SLCO1B1: variants seen among roughly 807,000 people sequenced by gnomAD.
SLCO1B1 encodes solute carrier organic anion transporter family member 1B1.
A neutral mutation model predicts 70.1 loss-of-function variants in SLCO1B1; 81 were observed. The ratio of observed to expected loss-of-function variants is 1.16; its 90% confidence interval spans 0.97 to 1.39. The LOEUF is 1.39. SLCO1B1 is among the 40% of genes most tolerant of loss of function. The probability of loss-of-function intolerance (pLI) is 0.00; values close to 1 mark genes in which losing one functional copy is unlikely to be tolerated. For synonymous variants in SLCO1B1, 283 were observed against 271.5 expected, an observed-to-expected ratio of 1.04 and a Z score of -0.42; for missense variants, 895 against 799.6, an observed-to-expected ratio of 1.12 and a Z score of -1.44.
chr12:21,144,255 C>T (rs1940352262), intron 2 of SLCO1B1, among the ~76,000 whole-genome samples: 1 of 151,978 alleles, frequency 6.6e-6, no homozygotes, highest in African/African-American at 2.4e-5. Flanking sequence ...AAATATTTTA[C>T]TACAGGAATT....
At chr12:21,168,433 G>C (rs1239705908) in intron 2 of SLCO1B1, among the ~76,000 whole-genome samples, 1 of 152,098 alleles carries the variant, frequency 6.6e-6, no homozygotes, top group Non-Finnish European at 1.5e-5. Context: ...ATAATTAATG[G>C]CTTGTATGGT....
chr12:21,164,418 C>G (rs4149031), intron 2 of SLCO1B1, among the ~76,000 whole-genome samples: 18,529 of 151,994 alleles, frequency 0.12, 1,458 homozygotes, highest in East Asian at 0.34. Flanking sequence ...CCTGTTGGTT[C>G]TCCTCTTAAA....
rs778238661 is a variant in SLCO1B1 at position 21,217,299 on chromosome 12, G to GTC, written c.1679_1680insCT (p.Lys561LeufsTer8). 6.2e-7 allele frequency: 1 copy of GTC among 1,612,780 alleles called. No homozygotes were observed. The highest frequency in any genetic ancestry group is 1.7e-5 in the Admixed American group (1 of 60,002). On this transcript the variant is annotated frameshift_variant, in exon 12 of 15. Transcript: ENST00000256958. LOFTEE classifies it high-confidence loss of function. ...AGGCACCTCACATGTCATGCTGATT[G>GTC]TTAAGTAAGTATGACTTTTAAAAAC...
intron 14 of SLCO1B1, among the ~76,000 whole-genome samples, chr12:21,235,025 A>C (rs1475714100): frequency 1.3e-5 from 2 of 151,874 alleles, no homozygotes; most frequent in African/African-American, 2.4e-5. Flanking sequence ...TTTTTGGGTG[A>C]AGTATTCTCT....
chr12:21,237,220 G>A (rs1941605034), intron 14 of SLCO1B1, among the ~76,000 whole-genome samples: 1 of 151,922 alleles, frequency 6.6e-6, no homozygotes, highest in South Asian at 2.1e-4. Context: ...TGTATATCAA[G>A]TTTCTGACCT....
chr12:21,207,002 C>A (rs1280814506), intron 11 of SLCO1B1, among the ~76,000 whole-genome samples: 2 of 151,924 alleles, frequency 1.3e-5, no homozygotes, highest in Admixed American at 6.6e-5. Flanking sequence ...AAGGCCACAA[C>A]TTTAATAAAC....
At position 21,230,516 on chromosome 12, in the gene SLCO1B1, G is replaced by A. The variant is rs184233017; in HGVS notation, c.1865+5677G>A. On this transcript the variant is annotated intron_variant, in intron 14 of 14. Transcript: ENST00000256958. ...CGGCTAATTTTGTACTTTTAGTAGA[G>A]ACAAGGTTTCTCCACGTTGGTCAGG... Among the ~76,000 whole-genome samples the A allele has an allele frequency of 2.4e-3, 366 of 151,940 alleles. 3 individuals are homozygous for A. Among genetic ancestry groups the A allele is most frequent in the African/African-American group, 8.5e-3 (354 of 41,414 alleles).
At chr12:21,229,430 G>A (rs1262936915) in intron 14 of SLCO1B1, among the ~76,000 whole-genome samples, 1 of 152,134 alleles carries the variant, frequency 6.6e-6, no homozygotes, top group Admixed American at 6.5e-5. Context: ...AGACCACTGT[G>A]CTTTTTACTG....
At chr12:21,175,559 A>G (rs975498885) in intron 4 of SLCO1B1, among the ~76,000 whole-genome samples, 20 of 152,246 alleles carry the variant, frequency 1.3e-4, no homozygotes, top group African/African-American at 4.8e-4. Context: ...TAGAGACACC[A>G]ATTACTTACT....
intron 14 of SLCO1B1, among the ~76,000 whole-genome samples, chr12:21,232,710 A>C (rs1043386923): frequency 2.4e-5 from 3 of 126,486 alleles, no homozygotes; most frequent in Non-Finnish European, 5.2e-5. Context: ...AGAGAGAGAG[A>C]CAGAAAGACA....
chr12:21,133,979 T>C (rs529640114), intron 1 of SLCO1B1, among the ~76,000 whole-genome samples: 2 of 152,320 alleles, frequency 1.3e-5, no homozygotes, highest in Non-Finnish European at 2.9e-5. Context: ...TTGTCATAGA[T>C]AGCTCTTATT....
chr12:21,172,691 A>T lies in SLCO1B1; in HGVS notation c.126A>T (p.Thr42=). ...TGTCACTCAGCTTTATTGCTAAGAC[A>T]CTAGGTGCAATTATTATGAAAAGTT... ...AALSLSFIAK[T]LGAIIMKSSI... is the part of the protein sequence containing the mutation. Residue 42 remains threonine, a synonymous_variant, in exon 3 of 15, where the codon ACA becomes ACT. Coordinates refer to ENST00000256958, the MANE Select transcript of SLCO1B1 (RefSeq NM_006446.5). 6.2e-7 allele frequency: 1 copy of T among 1,613,844 alleles called. No individual in the cohort carries two copies. Among genetic ancestry groups the T allele is most frequent in the Non-Finnish European group, 8.5e-7 (1 of 1,179,858 alleles).
chr12:21,200,780 A>G (rs1038263317), intron 9 of SLCO1B1, 108 bp downstream of exon 9: 1 of 887,028 alleles, frequency 1.1e-6, no homozygotes, highest in Non-Finnish European at 1.7e-6. Context: ...GTAATACAGG[A>G]TAAGTATAAT....
chr12:21,163,153 A>G (rs1940642723), intron 2 of SLCO1B1, among the ~76,000 whole-genome samples: 1 of 152,118 alleles, frequency 6.6e-6, no homozygotes, highest in South Asian at 2.1e-4. Context: ...CAATATTTTA[A>G]TTATACTTAT....
intron 3 of SLCO1B1, 131 bp downstream of exon 3, chr12:21,172,922 G>T: frequency 1.2e-6 from 1 of 857,016 alleles, no homozygotes; most frequent in South Asian, 1.6e-5. Context: ...AAACATTTGT[G>T]GTTGTCATAA....
chr12:21,158,282 A>T (rs1940567751), intron 2 of SLCO1B1, among the ~76,000 whole-genome samples: 1 of 152,232 alleles, frequency 6.6e-6, no homozygotes, highest in South Asian at 2.1e-4. Context: ...AAGTGATGAC[A>T]GTTGTATATC....
chr12:21,163,864 C>T (rs1427068996), intron 2 of SLCO1B1, among the ~76,000 whole-genome samples: 3 of 150,756 alleles, frequency 2.0e-5, no homozygotes, highest in African/African-American at 4.9e-5. Flanking sequence ...AGATGGTAAT[C>T]GAAGCAAAGA....
intron 2 of SLCO1B1, among the ~76,000 whole-genome samples, chr12:21,151,275 A>T (rs568294531): frequency 1.0e-3 from 155 of 152,342 alleles, no homozygotes; most frequent in Middle Eastern, 3.4e-3. Flanking sequence ...CTTAAATGTC[A>T]TTATGACATG....
intron 2 of SLCO1B1, among the ~76,000 whole-genome samples, chr12:21,163,924 G>A (rs61926205): frequency 1.4e-4 from 20 of 143,230 alleles, no homozygotes; most frequent in Non-Finnish European, 2.8e-4. Context: ...AAGAGAAGAC[G>A]GTATGAAACA....
Sources: allele counts gnomAD v4.1 joint callset (sites outside exome capture counted in the v4.1 genomes callset), GRCh38; gene constraint gnomAD v4.1.1; transcripts MANE v1.5; gene names NCBI Gene and HGNC (gene_info 2026-07-23, HGNC 2026-07-21).